The following TP53BP1 variants were observed in gnomAD, a reference collection of about 807,000 sequenced individuals.
The protein encoded by TP53BP1 is TP53-binding protein 1.
A neutral mutation model predicts 200.8 loss-of-function variants in TP53BP1; 61 were observed. The ratio of observed to expected loss-of-function variants is 0.30; its 90% CI spans 0.25 to 0.38. The LOEUF (loss-of-function observed/expected upper bound fraction) is 0.38. Ranked by LOEUF, TP53BP1 falls within the 10% of genes least tolerant of loss-of-function variation. The pLI is 1.00. For synonymous variants in TP53BP1, 822 were observed against 844.3 expected (o/e 0.97, Z 0.46); for missense variants, 2,144 against 2,371.9 (o/e 0.90, Z 2.00).
At chr15:43,489,752 T>C (rs1230188791) in intron 4 of TP53BP1, among the ~76,000 whole-genome samples, 1 of 152,180 alleles carries the variant, frequency 6.6e-6, no homozygotes, top group Non-Finnish European at 1.5e-5. Flanking sequence ...AATTCAAATA[T>C]ATTAACATTT....
intron 1 of TP53BP1, among the ~76,000 whole-genome samples, chr15:43,498,788 C>T (rs899881495): frequency 2.0e-5 from 3 of 152,060 alleles, no homozygotes; most frequent in African/African-American, 7.2e-5. Flanking sequence ...TAATTATACT[C>T]TGGTTATTAA....
chr15:43,408,112 C>T (rs779424036), intron 26 of TP53BP1, 24 bp from the exon 27 acceptor site: 3 of 1,608,402 alleles, frequency 1.9e-6, no homozygotes, highest in Non-Finnish European at 8.5e-7. Flanking sequence ...AGGAAAGGAC[C>T]TTAGCATGAC....
chr15:43,420,773 C>G, intron 20 of TP53BP1, 38 bp from the exon 21 acceptor site: 6 of 1,564,856 alleles, frequency 3.8e-6, no homozygotes, highest in Non-Finnish European at 5.2e-6. Context: ...CCGGTGAGAA[C>G]AAGAACACAG....
chr15:43,483,880 T>A (rs2079009626), intron 4 of TP53BP1, among the ~76,000 whole-genome samples: 1 of 152,322 alleles, frequency 6.6e-6, no homozygotes, highest in South Asian at 2.1e-4. Context: ...GCTGGTAGGC[T>A]CCGTGAGTCC....
chr15:43,404,797 G>A lies in TP53BP1; in HGVS notation c.*2586C>T. On this transcript the variant is annotated 3_prime_UTR_variant, in exon 28 of 28. Transcript: ENST00000382044. ...GGTGTTAAGTCCTTTGCTAGGTTAT[G>A]TATTGCTATGCTGGGAGGCAGTGGG... 3.9e-6 allele frequency: 2 copies of A among 519,004 alleles called. No individual in the cohort carries two copies. The highest frequency in any genetic ancestry group is 6.8e-6 in the Non-Finnish European group (2 of 296,216). The allele number at this position is 519,004 out of a possible 1,614,324, so 32.1% of individuals were successfully genotyped here. A position where few individuals can be genotyped will look rare whatever the true frequency, so the allele number is the denominator to read the frequency against.
chr15:43,475,350 T>G (rs142286654), intron 9 of TP53BP1, among the ~76,000 whole-genome samples: 1 of 152,360 alleles, frequency 6.6e-6, no homozygotes, highest in East Asian at 1.9e-4. Context: ...TCTTTCTTAG[T>G]GAAACGTTTG....
intron 9 of TP53BP1, among the ~76,000 whole-genome samples, chr15:43,475,296 T>C (rs1160269113): frequency 1.3e-5 from 2 of 152,234 alleles, no homozygotes; most frequent in Non-Finnish European, 2.9e-5. Context: ...AGGAGCAGAA[T>C]GCTTGTTTTG....
At chr15:43,490,724 A>G (rs760791060) in intron 4 of TP53BP1, among the ~76,000 whole-genome samples, 37 of 152,248 alleles carry the variant, frequency 2.4e-4, no homozygotes, top group Middle Eastern at 3.4e-3. Context: ...AGTCATTAGG[A>G]CCAGGTTCAA....
intron 10 of TP53BP1, among the ~76,000 whole-genome samples, chr15:43,472,975 T>C (rs991645554): frequency 6.6e-6 from 1 of 151,980 alleles, no homozygotes; most frequent in Non-Finnish European, 1.5e-5. Context: ...TGTTCAGATG[T>C]GTTCGGAGTT....
intron 10 of TP53BP1, among the ~76,000 whole-genome samples, chr15:43,472,341 A>G (rs2046746806): frequency 6.6e-6 from 1 of 152,246 alleles, no homozygotes; most frequent in Non-Finnish European, 1.5e-5. Flanking sequence ...CATTACTTGT[A>G]TATGAAAGAG....
chr15:43,414,099 C>T (rs1325305640), intron 23 of TP53BP1: 1 of 470,134 alleles, frequency 2.1e-6, no homozygotes, highest in South Asian at 1.6e-5. Flanking sequence ...AGATGACAGA[C>T]AGGTCATGCA....
intron 19 of TP53BP1, 70 bp downstream of exon 19, chr15:43,421,785 C>A: frequency 6.4e-7 from 1 of 1,567,990 alleles, no homozygotes; most frequent in African/African-American, 1.4e-5. Context: ...CTCCCCTTTT[C>A]CTGTGATATT....
chr15:43,413,673 A>G (rs1595522570), intron 23 of TP53BP1, among the ~76,000 whole-genome samples: 1 of 152,216 alleles, frequency 6.6e-6, no homozygotes, highest in East Asian at 1.9e-4. Flanking sequence ...AGGTGGTTCT[A>G]ATACAAAGAA....
chr15:43,469,526 A>C (rs941242109), intron 11 of TP53BP1, among the ~76,000 whole-genome samples: 6 of 152,260 alleles, frequency 3.9e-5, no homozygotes, highest in South Asian at 2.1e-4. Context: ...ATTAAAAAAA[A>C]CCATAAGCAT....
At position 43,455,875 on chromosome 15, in the gene TP53BP1, T is replaced by A; in HGVS notation, c.2716+17A>T. On this transcript the variant is annotated intron_variant, in intron 12 of 27. Transcript: ENST00000382044. The stretch of plus-strand genomic sequence containing the variant: ...ATAATTTAGGTGGAGACAAGAATAA[T>A]CTACAATCACACTCACCACTAGAAC... 1.9e-6 allele frequency: 3 copies of A among 1,610,184 alleles called. No homozygotes were observed. The highest frequency in any genetic ancestry group is 2.5e-6 in the Non-Finnish European group (3 of 1,179,060).
chr15:43,431,320 T>C (rs749591923), intron 17 of TP53BP1, among the ~76,000 whole-genome samples: 4 of 152,096 alleles, frequency 2.6e-5, no homozygotes, highest in Non-Finnish European at 5.9e-5. Flanking sequence ...CCAAATTTTC[T>C]CTGCCATAGA....
upstream of TP53BP1, among the ~76,000 whole-genome samples, chr15:43,496,538 A>G (rs1019351064): frequency 2.0e-5 from 3 of 151,726 alleles, no homozygotes; most frequent in African/African-American, 7.3e-5. Flanking sequence ...GAAAACTCAT[A>G]GTTTTGGAGC....
chr15:43,451,318 A>G lies in TP53BP1; in HGVS notation c.2717-3833T>C, dbSNP rs527558294. On this transcript the variant is annotated intron_variant, in intron 12 of 27. Coordinates refer to ENST00000382044, the MANE Select transcript of TP53BP1 (RefSeq NM_001141980.3). ...CATTTAGCATTAGGTATATCTCTCA[A>G]TGTTATCCCTCCCCCGTCCCCCCAC... is the stretch of plus-strand genomic sequence containing the variant. 1.6e-3 allele frequency among the ~76,000 whole-genome samples: 249 copies of G among 151,962 alleles called. 1 individual carries two copies. The highest frequency in any genetic ancestry group is 5.9e-3 in the African/African-American group (244 of 41,418).
At chr15:43,418,505 C>CA (rs56948846) in intron 21 of TP53BP1, among the ~76,000 whole-genome samples, 416 of 110,688 alleles carry the variant, frequency 3.8e-3, no homozygotes, top group African/African-American at 5.1e-3. Flanking sequence ...AACTGTGTCT[C>CA]AAAAAAAAAA....
Sources: allele counts gnomAD v4.1 joint callset (sites outside exome capture counted in the v4.1 genomes callset), GRCh38; gene constraint gnomAD v4.1.1; transcripts MANE v1.5; gene names NCBI Gene and HGNC (gene_info 2026-07-23, HGNC 2026-07-21).